TPRG1: variants seen among roughly 807,000 people sequenced by gnomAD.
The protein encoded by TPRG1 is tumor protein p63-regulated gene 1 protein.
A neutral mutation model predicts 29.3 loss-of-function variants in TPRG1; 29 were observed. The observed-to-expected ratio is 0.99, with a 90% CI of 0.74 to 1.35. TPRG1 has a LOEUF of 1.35. Among genes scored for constraint, TPRG1 ranks in the 40% most tolerant of loss-of-function variants. The probability of loss-of-function intolerance (pLI) is 0.00; values close to 1 mark genes in which losing one functional copy is unlikely to be tolerated. For synonymous variants in TPRG1, 130 were observed against 116.8 expected (o/e 1.11, Z -0.73); for missense variants, 327 against 335.0 (o/e 0.98, Z 0.19).
intron 4 of TPRG1, among the ~76,000 whole-genome samples, chr3:189,282,793 AG>A (rs1717390199): frequency 6.6e-6 from 1 of 152,128 alleles, no homozygotes; most frequent in South Asian, 2.1e-4. Flanking sequence ...TGCTGGCTGG[AG>A]GGAGAAAGGA....
At chr3:189,215,463 C>A in intron 3 of TPRG1, 80 bp downstream of exon 3, 1 of 1,154,838 alleles carries the variant, frequency 8.7e-7, no homozygotes, top group Non-Finnish European at 1.3e-6. Context: ...AGGAGATGGA[C>A]CTGTGGTAGA....
intron 4 of TPRG1, among the ~76,000 whole-genome samples, chr3:189,252,678 G>T (rs1356924044): frequency 6.6e-6 from 1 of 152,064 alleles, no homozygotes; most frequent in Non-Finnish European, 1.5e-5. Flanking sequence ...TTTAATTTAG[G>T]GGGGTTCTCA....
chr3:189,296,313 G>T (rs1407482980), intron 4 of TPRG1, among the ~76,000 whole-genome samples: 1 of 152,198 alleles, frequency 6.6e-6, no homozygotes, highest in Non-Finnish European at 1.5e-5. Context: ...TTTAGCAGAA[G>T]CAGGTATGAA....
chr3:189,016,568 T>C (rs568874458), intron 3 of TPRG1, among the ~76,000 whole-genome samples: 6 of 152,196 alleles, frequency 3.9e-5, no homozygotes, highest in African/African-American at 9.6e-5. Context: ...GATATGATTG[T>C]GCTCTGTGAC....
chr3:189,162,738 G>T (rs945429859), intron 5 of TPRG1, among the ~76,000 whole-genome samples: 1 of 152,086 alleles, frequency 6.6e-6, no homozygotes, highest in Non-Finnish European at 1.5e-5. Flanking sequence ...ATTAATCCAG[G>T]TTGCTCTATA....
intron 4 of TPRG1, among the ~76,000 whole-genome samples, chr3:189,053,028 A>G (rs564641188): frequency 6.6e-6 from 1 of 152,186 alleles, no homozygotes; most frequent in Non-Finnish European, 1.5e-5. Context: ...ACAAATCACC[A>G]TTAAAGAACT....
intron 1 of TPRG1, among the ~76,000 whole-genome samples, chr3:189,206,958 T>C (rs183484268): frequency 4.6e-5 from 7 of 152,352 alleles, no homozygotes; most frequent in Admixed American, 4.6e-4. Context: ...TTATGCTCTA[T>C]TATGACTCAA....
chr3:189,220,609 C>G (rs994961922), intron 3 of TPRG1, among the ~76,000 whole-genome samples: 3 of 152,162 alleles, frequency 2.0e-5, no homozygotes, highest in Admixed American at 6.5e-5. Flanking sequence ...TCAGGTAGGC[C>G]CCAGTGTGTG....
chr3:189,069,671 A>G (rs1403204958), intron 4 of TPRG1, among the ~76,000 whole-genome samples: 2 of 152,242 alleles, frequency 1.3e-5, no homozygotes, highest in African/African-American at 4.8e-5. Flanking sequence ...GACAACTGAC[A>G]TTCCCACAAA....
At chr3:189,078,061 TTTCTC>T (rs751010703) in intron 4 of TPRG1, among the ~76,000 whole-genome samples, 3,624 of 122,976 alleles carry the variant, frequency 0.029, 67 homozygotes, top group East Asian at 0.09. Context: ...CCTTCCTTCC[TTTCTC>T]TCCTTTCTCT....
At chr3:189,048,574 T>C (rs1715110843) in intron 4 of TPRG1, among the ~76,000 whole-genome samples, 1 of 152,192 alleles carries the variant, frequency 6.6e-6, no homozygotes. Context: ...GTTGGCATCT[T>C]TTTCCAATAG....
intron 3 of TPRG1, among the ~76,000 whole-genome samples, chr3:189,019,141 T>C (rs1435929927): frequency 6.6e-6 from 1 of 151,160 alleles, no homozygotes; most frequent in Admixed American, 6.6e-5. Flanking sequence ...GCTGAGACAA[T>C]GGGGTTTTCT....
upstream of TPRG1, among the ~76,000 whole-genome samples, chr3:189,168,720 T>A (rs1728447197): frequency 6.6e-6 from 1 of 152,192 alleles, no homozygotes; most frequent in Non-Finnish European, 1.5e-5. Flanking sequence ...CCAGTATCTG[T>A]TCATTGTCAT....
intron 4 of TPRG1, among the ~76,000 whole-genome samples, chr3:189,056,025 C>CTCCGT (rs1553896826): frequency 2.7e-5 from 3 of 109,670 alleles, no homozygotes; most frequent in African/African-American, 7.8e-5. Flanking sequence ...CCTCCCTTCC[C>CTCCGT]TCCCTCCCTT....
intron 5 of TPRG1, among the ~76,000 whole-genome samples, chr3:189,153,002 C>G (rs971705637): frequency 1.1e-4 from 16 of 152,190 alleles, no homozygotes; most frequent in Admixed American, 2.6e-4. Context: ...AGTAGTTTCA[C>G]GTGTGTCTTA....
chr3:189,228,661 G>T (rs996477465), intron 3 of TPRG1, among the ~76,000 whole-genome samples: 2 of 152,066 alleles, frequency 1.3e-5, no homozygotes, highest in Non-Finnish European at 1.5e-5. Context: ...TCATGCTGTT[G>T]GGTAATGTCT....
At chr3:189,158,704 A>G (rs1727035022) in intron 5 of TPRG1, among the ~76,000 whole-genome samples, 1 of 152,088 alleles carries the variant, frequency 6.6e-6, no homozygotes, top group African/African-American at 2.4e-5. Context: ...CCTTTCCATG[A>G]CTGTGGAGTT....
chr3:189,313,674 G>A (rs1723045327), intron 5 of TPRG1, among the ~76,000 whole-genome samples: 1 of 152,062 alleles, frequency 6.6e-6, no homozygotes, highest in Non-Finnish European at 1.5e-5. Flanking sequence ...CTTTATTCAA[G>A]AGATTTTCTA....
intron 4 of TPRG1, among the ~76,000 whole-genome samples, chr3:189,244,777 A>G (rs1579011092): frequency 2.0e-5 from 3 of 152,224 alleles, no homozygotes; most frequent in Admixed American, 1.3e-4. Context: ...GATCCAAACC[A>G]TATCAGTGAT....
Sources: gnomAD v4.1 joint callset for allele counts (sites outside exome capture counted in the v4.1 genomes callset) on GRCh38, gnomAD v4.1.1 for gene constraint, MANE v1.5 for transcripts, NCBI Gene and HGNC (gene_info 2026-07-23, HGNC 2026-07-21) for gene names.